Variants in CYP2J2 observed in about 807,000 individuals in gnomAD.
CYP2J2 encodes the protein cytochrome P450 2J2.
CYP2J2 carries 41 observed loss-of-function variants against 48.8 expected under a neutral mutation model. That is an observed-to-expected ratio of 0.84 (90% CI 0.66 to 1.09). The LOEUF (loss-of-function observed/expected upper bound fraction) is 1.09, where lower values mean the gene tolerates loss of function less well. Ranked by LOEUF, CYP2J2 falls within the 50% of genes least tolerant of loss-of-function variation. The probability of loss-of-function intolerance (pLI) is 0.00; values close to 1 mark genes in which losing one functional copy is unlikely to be tolerated. For missense variants in CYP2J2, 644 were observed against 617.3 expected, an observed-to-expected ratio of 1.04 and a Z score of -0.46; for synonymous variants, 221 against 227.1, an observed-to-expected ratio of 0.97 and a Z score of 0.24.
chr1:59,952,103 G>A, the CYP2J2 span, among the ~76,000 whole-genome samples: 2 of 152,112 alleles, frequency 1.3e-5, no homozygotes, highest in Non-Finnish European at 2.9e-5. Flanking sequence ...ATGAGACTGT[G>A]TTTCAGATAG....
intron 5 of CYP2J2, among the ~76,000 whole-genome samples, 176 bp from the exon 6 acceptor site, chr1:59,908,103 T>C (rs1155002): frequency 0.67 from 101,208 of 152,094 alleles, 34,221 homozygotes; most frequent in South Asian, 0.81. Flanking sequence ...ATCATTAGCA[T>C]TGTCCTGCCC....
the CYP2J2 span, among the ~76,000 whole-genome samples, chr1:59,965,241 A>G: frequency 6.6e-6 from 1 of 152,226 alleles, no homozygotes; most frequent in Admixed American, 6.5e-5. Flanking sequence ...AAGATATTAA[A>G]CAGGGAGCTG....
At chr1:59,918,682 A>C (rs1217870696) in intron 1 of CYP2J2, among the ~76,000 whole-genome samples, 2 of 151,906 alleles carry the variant, frequency 1.3e-5, no homozygotes, top group African/African-American at 4.8e-5. Context: ...AAAAAAAAAA[A>C]CCTTAACAGA....
intron 8 of CYP2J2, 141 bp from the exon 9 acceptor site, chr1:59,893,970 A>G: frequency 1.4e-6 from 1 of 730,188 alleles, no homozygotes; most frequent in Non-Finnish European, 2.2e-6. Flanking sequence ...CCAGCAGCTT[A>G]TTTAAGTCTG....
At chr1:59,948,545 T>C in the CYP2J2 span, among the ~76,000 whole-genome samples, 2 of 152,250 alleles carry the variant, frequency 1.3e-5, no homozygotes, top group South Asian at 2.1e-4. Flanking sequence ...AATACTCATA[T>C]TGTTATTAGA....
Position 59,902,952 on chromosome 1 carries a change from A to G in CYP2J2, c.1192-1849T>C, listed in dbSNP as rs990051902. On this transcript the variant is annotated intron_variant, in intron 7 of 8. Coordinates refer to ENST00000371204, the MANE Select transcript of CYP2J2 (RefSeq NM_000775.4). ...CAAAGTCATAGCTCGTAGACTGTGT[A>G]ACACACAATTATTTCAACTTGTCAG... Among the ~76,000 whole-genome samples the G allele has an allele frequency of 2.6e-5, 4 of 152,354 alleles. No individual in the cohort carries two copies. The East Asian group carries it at 7.7e-4, about 29-fold the overall frequency.
chr1:59,932,333 A>G, the CYP2J2 span, among the ~76,000 whole-genome samples: 4 of 152,164 alleles, frequency 2.6e-5, no homozygotes, highest in Non-Finnish European at 5.9e-5. Flanking sequence ...CAAAACTCTG[A>G]AAGTTTTTTT....
chr1:59,904,669 C>T (rs556249164), intron 7 of CYP2J2, among the ~76,000 whole-genome samples: 17 of 152,114 alleles, frequency 1.1e-4, no homozygotes, highest in South Asian at 2.1e-4. Context: ...ACATATTTAA[C>T]GTAGGAATCC....
chr1:59,916,587 G>T (rs1438880998), intron 1 of CYP2J2, among the ~76,000 whole-genome samples: 1 of 152,086 alleles, frequency 6.6e-6, no homozygotes, highest in East Asian at 1.9e-4. Context: ...ATAAAAATTA[G>T]CTGGGTATGG....
chr1:59,967,170 A>T, the CYP2J2 span, among the ~76,000 whole-genome samples: 1 of 152,214 alleles, frequency 6.6e-6, no homozygotes, highest in Non-Finnish European at 1.5e-5. Flanking sequence ...GAGCTGAGAT[A>T]ACCACTAAAG....
chr1:59,946,762 A>G, the CYP2J2 span, among the ~76,000 whole-genome samples: 1 of 152,216 alleles, frequency 6.6e-6, no homozygotes, highest in Non-Finnish European at 1.5e-5. Flanking sequence ...GTTAGAGTTT[A>G]CACATAACAA....
At chr1:59,963,440 T>A in the CYP2J2 span, among the ~76,000 whole-genome samples, 2 of 152,188 alleles carry the variant, frequency 1.3e-5, no homozygotes, top group Non-Finnish European at 1.5e-5. Context: ...AAAAGAAGAA[T>A]CATACATTTG....
At chr1:59,945,392 T>G in the CYP2J2 span, among the ~76,000 whole-genome samples, 1 of 149,508 alleles carries the variant, frequency 6.7e-6, no homozygotes, top group African/African-American at 2.4e-5. Flanking sequence ...TAAAATTCTC[T>G]CTATCTCTTT....
rs747269765 is a variant in CYP2J2 at position 59,916,086 on chromosome 1, A to G, written c.225T>C (p.Tyr75=). The change falls in exon 2 of 9, where the codon TAT becomes TAC. Residue 75 remains tyrosine (Y), a synonymous_variant. Transcript: ENST00000371204. ...HLEVQLFVKK[Y]GNLFSLELGD... Reference sequence around the variant, plus strand: ...CAAGCTCCAAGCTAAAAAGGTTCCCATATTTCTTCACAAACTGAAAAATAG... The same window carrying G: ...CAAGCTCCAAGCTAAAAAGGTTCCCGTATTTCTTCACAAACTGAAAAATAG... 5.0e-6 allele frequency: 8 copies of G among 1,608,766 alleles called. No homozygotes were observed. Among genetic ancestry groups the G allele is most frequent in the Non-Finnish European group, 6.8e-6 (8 of 1,178,076 alleles).
the CYP2J2 span, among the ~76,000 whole-genome samples, chr1:59,955,144 A>AATAAATAC: frequency 8.4e-6 from 1 of 118,968 alleles, no homozygotes; most frequent in Non-Finnish European, 1.9e-5. Context: ...CCAAAATTAA[A>AATAAATAC]ATAAATAAAT....
At chr1:59,962,462 T>G in the CYP2J2 span, among the ~76,000 whole-genome samples, 1 of 152,144 alleles carries the variant, frequency 6.6e-6, no homozygotes, top group African/African-American at 2.4e-5. Context: ...GTTTATACAT[T>G]TTGTCTTGGG....
chr1:59,910,667 C>G (rs926396375), intron 4 of CYP2J2, among the ~76,000 whole-genome samples: 2 of 152,008 alleles, frequency 1.3e-5, no homozygotes, highest in African/African-American at 4.8e-5. Flanking sequence ...CACATACATA[C>G]AAATCAAGGT....
At chr1:59,899,510 T>C (rs776792924) in intron 8 of CYP2J2, among the ~76,000 whole-genome samples, 29 of 152,202 alleles carry the variant, frequency 1.9e-4, no homozygotes, top group Non-Finnish European at 3.7e-4. Flanking sequence ...CTCAGCAAAA[T>C]GATCTTGTCT....
intron 1 of CYP2J2, among the ~76,000 whole-genome samples, chr1:59,922,929 T>C (rs1233620152): frequency 6.6e-6 from 1 of 152,202 alleles, no homozygotes. Context: ...TTCAGCCTAC[T>C]TTGCAATAAT....
Sources: gnomAD v4.1 joint callset for allele counts (sites outside exome capture counted in the v4.1 genomes callset) on GRCh38, gnomAD v4.1.1 for gene constraint, MANE v1.5 for transcripts, NCBI Gene and HGNC (gene_info 2026-07-23, HGNC 2026-07-21) for gene names.